The following SPATA13 variants were observed in gnomAD, a reference collection of about 807,000 sequenced individuals.
SPATA13 encodes spermatogenesis-associated protein 13.
A neutral mutation model predicts 104.0 loss-of-function variants in SPATA13; 50 were observed. The observed-to-expected ratio is 0.48, with a 90% CI of 0.38 to 0.61. The LOEUF (loss-of-function observed/expected upper bound fraction) is 0.61. Among genes scored for constraint, SPATA13 ranks in the 20% least tolerant of loss-of-function variants. SPATA13 has a pLI of 0.00. For synonymous variants in SPATA13, 606 were observed against 667.5 expected, an observed-to-expected ratio of 0.91 and a Z score of 1.42; for missense variants, 1,524 against 1,690.6, an observed-to-expected ratio of 0.90 and a Z score of 1.73.
At chr13:24,272,575 C>A (rs1166402488) in intron 4 of SPATA13, 1 of 152,250 alleles carries the variant, frequency 6.6e-6, no homozygotes, top group Non-Finnish European at 1.5e-5. Context: ...CCCTGAGGGA[C>A]TGCCTAGTGG....
At chr13:24,127,288 A>G (rs1783152435) in intron 3 of SPATA13, among the ~76,000 whole-genome samples, 1 of 152,148 alleles carries the variant, frequency 6.6e-6, no homozygotes, top group South Asian at 2.1e-4. Context: ...CATTGCCAGA[A>G]CCTGCCTTGC....
At chr13:24,115,467 T>A (rs961601842) in intron 3 of SPATA13, among the ~76,000 whole-genome samples, 5 of 152,248 alleles carry the variant, frequency 3.3e-5, no homozygotes, top group Non-Finnish European at 5.9e-5. Context: ...GCGTGAACCC[T>A]ATTGCAAACC....
intron 1 of SPATA13, among the ~76,000 whole-genome samples, chr13:24,190,678 ATAAAAAT>A (rs1869676849): frequency 1.3e-5 from 2 of 152,068 alleles, no homozygotes; most frequent in African/African-American, 4.8e-5. Flanking sequence ...CAATCTCATG[ATAAAAAT>A]GGAATGAGGA....
At chr13:24,065,942 A>G (rs936011919) in intron 3 of SPATA13, among the ~76,000 whole-genome samples, 1 of 152,226 alleles carries the variant, frequency 6.6e-6, no homozygotes, top group Non-Finnish European at 1.5e-5. Flanking sequence ...TCTGAGCTAC[A>G]TGTTGTCACA....
intron 3 of SPATA13, among the ~76,000 whole-genome samples, chr13:24,063,241 C>T (rs1878838560): frequency 6.6e-6 from 1 of 152,110 alleles, no homozygotes; most frequent in African/African-American, 2.4e-5. Context: ...CCACCATGGG[C>T]ACAAAGAGAG....
intron 3 of SPATA13, among the ~76,000 whole-genome samples, chr13:24,036,013 CAAAAAAAAA>C (rs56837096): frequency 8.9e-6 from 1 of 112,510 alleles, no homozygotes; most frequent in Non-Finnish European, 1.9e-5. Flanking sequence ...GACCCTGTCT[CAAAAAAAAA>C]AAAAAAAAAA....
intron 3 of SPATA13, among the ~76,000 whole-genome samples, chr13:24,154,583 C>T (rs1882204533): frequency 6.6e-6 from 1 of 152,178 alleles, no homozygotes; most frequent in Admixed American, 6.5e-5. Context: ...TCAGTATTTT[C>T]ATGTTGTATT....
At chr13:23,995,619 C>T (rs1012505489) in intron 2 of SPATA13, among the ~76,000 whole-genome samples, 13 of 152,254 alleles carry the variant, frequency 8.5e-5, no homozygotes, top group African/African-American at 3.1e-4. Flanking sequence ...ATCTGATATG[C>T]ATTTTCATAT....
chr13:24,069,045 G>A (rs895383429), intron 3 of SPATA13, among the ~76,000 whole-genome samples: 2 of 152,132 alleles, frequency 1.3e-5, no homozygotes, highest in African/African-American at 4.8e-5. Flanking sequence ...GCGTAGTATA[G>A]TCAGGTAGCG....
intron 1 of SPATA13, among the ~76,000 whole-genome samples, chr13:24,188,839 G>A (rs988246195): frequency 1.5e-4 from 23 of 152,280 alleles, no homozygotes; most frequent in African/African-American, 5.5e-4. Context: ...CCGGTTAGGG[G>A]CTAATGCAGC....
intron 2 of SPATA13, among the ~76,000 whole-genome samples, chr13:24,240,160 C>T (rs1056936071): frequency 4.0e-5 from 6 of 151,726 alleles, no homozygotes; most frequent in African/African-American, 1.5e-4. Context: ...CAAAAATTAG[C>T]CAAGCAGAAG....
At chr13:24,074,962 T>A (rs1031064231) in intron 3 of SPATA13, among the ~76,000 whole-genome samples, 6 of 152,194 alleles carry the variant, frequency 3.9e-5, no homozygotes, top group Non-Finnish European at 7.3e-5. Context: ...TTGGCGAAAC[T>A]CTGTGATTGA....
chr13:24,299,489 G>A (rs1318896153), intron 11 of SPATA13, among the ~76,000 whole-genome samples: 3 of 152,186 alleles, frequency 2.0e-5, no homozygotes, highest in East Asian at 1.9e-4. Flanking sequence ...GAATGGACAC[G>A]GAGGGCCTTG....
intron 1 of SPATA13, among the ~76,000 whole-genome samples, chr13:24,218,492 C>T (rs1871381096): frequency 6.6e-6 from 1 of 152,144 alleles, no homozygotes; most frequent in African/African-American, 2.4e-5. Context: ...ATAGGGGTCA[C>T]ATGTTCCCTA....
chr13:23,983,841 C>T (rs1875024938), exon 2 of SPATA13: 1 of 979,056 alleles, frequency 1.0e-6, no homozygotes, highest in African/African-American at 1.8e-5. Flanking sequence ...GTCATATTCG[C>T]TGCCTGTGCA....
chr13:24,045,505 CATA>C (rs945362059), intron 3 of SPATA13, among the ~76,000 whole-genome samples: 21 of 152,148 alleles, frequency 1.4e-4, no homozygotes, highest in African/African-American at 5.1e-4. Flanking sequence ...AGGTAGGTCA[CATA>C]ATACACGTTT....
chr13:24,236,674 G>A (rs534544774), intron 2 of SPATA13, among the ~76,000 whole-genome samples: 1 of 151,224 alleles, frequency 6.6e-6, no homozygotes, highest in Non-Finnish European at 1.5e-5. Flanking sequence ...TTAGGGAAAT[G>A]CAAATTAAAA....
intron 2 of SPATA13, among the ~76,000 whole-genome samples, chr13:23,990,208 T>G (rs1875345935): frequency 1.3e-5 from 2 of 152,162 alleles, no homozygotes; most frequent in African/African-American, 4.8e-5. Flanking sequence ...TTCAGACTTT[T>G]CCACATTCAG....
At position 24,287,682 on chromosome 13, in the gene SPATA13, C is replaced by G. The variant is rs1876055589; in HGVS notation, c.2667+732C>G. Among the ~76,000 whole-genome samples the G allele has an allele frequency of 2.0e-5, 3 of 152,298 alleles. No homozygotes were observed. The South Asian group carries it at 6.2e-4, about 32-fold the overall frequency. ...GAAAAAATGCTGGTTTTATATTGGT[C>G]ATATGAAAGGCTATATTCTATTGTC... On this transcript the variant is annotated intron_variant, in intron 7 of 12. Transcript: ENST00000382108.
Sources: gnomAD v4.1 joint callset for allele counts (sites outside exome capture counted in the v4.1 genomes callset) on GRCh38, gnomAD v4.1.1 for gene constraint, MANE v1.5 for transcripts, NCBI Gene and HGNC (gene_info 2026-07-23, HGNC 2026-07-21) for gene names.